RNASEH2A: variants seen among roughly 807,000 people sequenced by gnomAD.
RNASEH2A encodes the protein RNase H(35).
RNASEH2A carries 30 observed loss-of-function variants against 32.7 expected under a neutral mutation model. The ratio of observed to expected loss-of-function variants is 0.92; its 90% confidence interval spans 0.69 to 1.25. The LOEUF is 1.25. Ranked by LOEUF, RNASEH2A falls within the 50% of genes most tolerant of loss-of-function variation. RNASEH2A has a pLI of 0.00. For missense variants in RNASEH2A, 409 were observed against 398.1 expected (o/e 1.03, Z -0.23); for synonymous variants, 147 against 165.4 (o/e 0.89, Z 0.86).
intron 3 of RNASEH2A, 42 bp from the exon 4 acceptor site, chr19:12,807,377 G>C: frequency 6.2e-7 from 1 of 1,614,162 alleles, no homozygotes; most frequent in Non-Finnish European, 8.5e-7. Flanking sequence ...ACCAAGCTTT[G>C]TTCCTAGAAT....
At chr19:12,810,026 G>A (rs1433917446) in intron 4 of RNASEH2A, 45 bp from the exon 5 acceptor site, 5 of 1,612,926 alleles carry the variant, frequency 3.1e-6, no homozygotes, top group Non-Finnish European at 3.4e-6. Context: ...CTAGAGCATT[G>A]GTACAGTTGT....
Position 12,807,316 on chromosome 19 carries a change from A to G in RNASEH2A, c.310A>G (p.Ser104Gly), listed in dbSNP as rs1478511831. Reference sequence around the variant, plus strand: ...GCTGTCTCCAAACCTCATCTCTACCAGCATGCTTGGGCGGTGAGGGGTCCC... The same window carrying G: ...GCTGTCTCCAAACCTCATCTCTACCGGCATGCTTGGGCGGTGAGGGGTCCC... ...DVLSPNLIST[S>G]MLGRVKYNLN... Residue 104 changes from serine to glycine, a missense_variant, in exon 3 of 8, where the codon AGC (serine) becomes GGC (glycine). Transcript: ENST00000221486. 1 of 1,614,134 alleles carries G rather than the reference A, an allele frequency of 6.2e-7. No homozygotes were observed. The highest frequency in any genetic ancestry group is 2.2e-5 in the East Asian group (1 of 44,874).
chr19:12,810,204 C>T lies in RNASEH2A; in HGVS notation c.545C>T (p.Ala182Val), dbSNP rs1398890089. ...YPVVSAASIC[A>V]KVARDQAVKK... ...GTGGTTAGTGCTGCCAGCATCTGTG[C>T]CAAGGTCAGTACCCTACTAGCCATG... The change falls in exon 5 of 8, where the codon GCC becomes GTC. Residue 182 changes from alanine to valine, a missense_variant. Transcript: ENST00000221486. 2 of 1,614,218 alleles carry T rather than the reference C, an allele frequency of 1.2e-6. No individual in the cohort carries two copies. The highest frequency in any genetic ancestry group is 8.5e-7 in the Non-Finnish European group (1 of 1,180,052).
At chr19:12,807,114 C>T in intron 2 of RNASEH2A, 35 bp downstream of exon 2, 1 of 1,614,104 alleles carries the variant, frequency 6.2e-7, no homozygotes. Context: ...GAAGGGATTC[C>T]TGGGTATGTG....
intron 4 of RNASEH2A, among the ~76,000 whole-genome samples, chr19:12,808,152 C>T (rs890814622): frequency 6.6e-6 from 1 of 151,310 alleles, no homozygotes; most frequent in African/African-American, 2.4e-5. Context: ...TTGGTGAGGC[C>T]GAGGCAGAAG....
chr19:12,806,777 A>C lies in RNASEH2A; in HGVS notation c.104A>C (p.Glu35Ala). Reference protein sequence around the residue: ...RKEPCVLGVDEAGRGPVLGPM... With the variant: ...RKEPCVLGVDAAGRGPVLGPM... ...GAGCCTTGCGTCCTGGGCGTCGATG[A>C]GGCGGGCAGGGGCCCCGTGCTGGGT... Residue 35 changes from glutamate (E) to alanine (A), a missense_variant, in exon 1 of 8, where the codon GAG becomes GCG. By Grantham distance (107) the Glu-to-Ala change is moderately radical. Transcript: ENST00000221486. 6.3e-7 allele frequency: 1 copy of C among 1,577,118 alleles called. No homozygotes were observed. The highest frequency in any genetic ancestry group is 1.3e-5 in the African/African-American group (1 of 74,616).
intron 1 of RNASEH2A, 77 bp downstream of exon 1, chr19:12,806,877 C>G: frequency 2.5e-6 from 4 of 1,594,942 alleles, no homozygotes; most frequent in Non-Finnish European, 3.4e-6. Flanking sequence ...TGCACTGCAC[C>G]AAGGGAGGGG....
rs143534021 is a variant in RNASEH2A at position 12,813,107 on chromosome 19, A to G, written c.662A>G (p.Lys221Arg). The change falls in exon 7 of 8, where the codon AAG becomes AGG. Residue 221 changes from lysine to arginine, a missense_variant. By Grantham distance (26) the Lys-to-Arg change is conservative (BLOSUM62 2). Transcript: ENST00000221486. ...GATCCCAAGACAAAAGCGTGGTTGA[A>G]GGAGCACGTGGAGCCTGTGTTCGGC... ...PNDPKTKAWL[K>R]EHVEPVFGFP... 6.3e-4 allele frequency: 1,011 copies of G among 1,614,168 alleles called. 2 individuals carry two copies. Among genetic ancestry groups the G allele is most frequent in the Middle Eastern group, 5.0e-3 (30 of 6,060 alleles).
rs776691735 is a variant in RNASEH2A at position 12,807,340 on chromosome 19, C to T, written c.323+11C>T. The T allele has an allele frequency of 6.2e-7, 1 of 1,614,016 alleles. No individual in the cohort carries two copies. Among genetic ancestry groups the T allele is most frequent in the African/African-American group, 1.3e-5 (1 of 74,902 alleles). On this transcript the variant is annotated intron_variant, in intron 3 of 7. Coordinates refer to ENST00000221486, the MANE Select transcript of RNASEH2A (RefSeq NM_006397.3). ...CAGCATGCTTGGGCGGTGAGGGGTCCCCGGGAGGGGCAGCCAGCATGGGCT... is the reference window on the plus strand; with the variant it reads ...CAGCATGCTTGGGCGGTGAGGGGTCTCCGGGAGGGGCAGCCAGCATGGGCT...
chr19:12,812,465 G>C (rs1969087112), intron 6 of RNASEH2A, among the ~76,000 whole-genome samples: 1 of 152,156 alleles, frequency 6.6e-6, no homozygotes, highest in Non-Finnish European at 1.5e-5. Flanking sequence ...CTGGGAGGCG[G>C]AGGTTGCAGT....
chr19:12,806,831 C>T, intron 1 of RNASEH2A, 31 bp downstream of exon 1: 1 of 1,589,364 alleles, frequency 6.3e-7, no homozygotes, highest in South Asian at 1.1e-5. Context: ...AGGGGAGGGG[C>T]GTGGTACGGA....
At chr19:12,810,448 G>A in intron 6 of RNASEH2A, 44 bp downstream of exon 6, 1 of 1,467,076 alleles carries the variant, frequency 6.8e-7, no homozygotes, top group Middle Eastern at 1.7e-4. Context: ...AAATGGCCAG[G>A]GCTGAGCACA....
chr19:12,807,792 C>A, intron 4 of RNASEH2A: 1 of 404,662 alleles, frequency 2.5e-6, no homozygotes, highest in South Asian at 2.1e-5. Context: ...ATTAGCTGGA[C>A]GTGGTGGCAG....
Position 12,813,123 on chromosome 19 carries a change from T to A in RNASEH2A, c.678T>A (p.Pro226=). The A allele has an allele frequency of 6.2e-7, 1 of 1,614,078 alleles. No homozygotes were observed. The highest frequency in any genetic ancestry group is 2.2e-5 in the East Asian group (1 of 44,874). The change falls in exon 7 of 8, where the codon CCT becomes CCA. Residue 226 remains proline (P), a synonymous_variant. Coordinates refer to ENST00000221486, the MANE Select transcript of RNASEH2A (RefSeq NM_006397.3). The stretch of plus-strand genomic sequence containing the variant: ...CGTGGTTGAAGGAGCACGTGGAGCC[T>A]GTGTTCGGCTTCCCCCAGTTTGTCC... ...TKAWLKEHVE[P]VFGFPQFVRF...
chr19:12,807,174 C>T, intron 2 of RNASEH2A, 32 bp from the exon 3 acceptor site: 1 of 1,614,128 alleles, frequency 6.2e-7, no homozygotes, highest in Non-Finnish European at 8.5e-7. Context: ...GGAGAACCAG[C>T]TGTTCCCCTT....
intron 6 of RNASEH2A, among the ~76,000 whole-genome samples, chr19:12,811,498 G>A (rs537104809): frequency 4.6e-5 from 7 of 152,154 alleles, no homozygotes; most frequent in African/African-American, 1.4e-4. Flanking sequence ...TGTAGTCCCA[G>A]CTACTCTGGA....
At chr19:12,811,504 C>A (rs1317971446) in intron 6 of RNASEH2A, among the ~76,000 whole-genome samples, 1 of 151,656 alleles carries the variant, frequency 6.6e-6, no homozygotes, top group African/African-American at 2.4e-5. Context: ...CCCAGCTACT[C>A]TGGAGGAGGA....
intron 4 of RNASEH2A, among the ~76,000 whole-genome samples, chr19:12,809,618 G>C (rs1223680990): frequency 6.6e-6 from 1 of 152,234 alleles, no homozygotes; most frequent in African/African-American, 2.4e-5. Context: ...GGGATTACAG[G>C]CTTGTGCTAA....
intron 4 of RNASEH2A, among the ~76,000 whole-genome samples, chr19:12,809,229 A>C (rs1599534498): frequency 6.6e-6 from 1 of 152,202 alleles, no homozygotes; most frequent in Non-Finnish European, 1.5e-5. Flanking sequence ...AAAATAAAAA[A>C]ATAAAACATG....
Sources: gnomAD v4.1 joint callset for allele counts (sites outside exome capture counted in the v4.1 genomes callset) on GRCh38, gnomAD v4.1.1 for gene constraint, MANE v1.5 for transcripts, NCBI Gene and HGNC (gene_info 2026-07-23, HGNC 2026-07-21) for gene names.